The following CUBN variants were observed in gnomAD, a reference collection of about 807,000 sequenced individuals.
The protein encoded by CUBN is 460 kDa receptor.
In CUBN, 282 loss-of-function variants were observed where a neutral mutation model predicts 405.3. The ratio of observed to expected loss-of-function variants is 0.70; its 90% CI spans 0.63 to 0.77. The LOEUF is 0.77. Ranked by LOEUF, CUBN falls within the 30% of genes least tolerant of loss-of-function variation. The pLI is 0.00. For missense variants in CUBN, 4,514 were observed against 4,475.2 expected (o/e 1.01, Z -0.25); for synonymous variants, 1,684 against 1,617.0 (o/e 1.04, Z -0.99).
chr10:16,893,877 C>A (rs945886028), intron 54 of CUBN, among the ~76,000 whole-genome samples: 1 of 152,054 alleles, frequency 6.6e-6, no homozygotes, highest in African/African-American at 2.4e-5. Flanking sequence ...CGGATAAATG[C>A]CCAGAGTGCA....
chr10:17,126,682 A>G (rs1447819034), intron 4 of CUBN, 79 bp downstream of exon 4: 2 of 1,468,482 alleles, frequency 1.4e-6, no homozygotes, highest in African/African-American at 2.8e-5. Context: ...TTCACCTTCA[A>G]AATAAGAATA....
At chr10:17,127,438 T>C (rs1224754267) in intron 3 of CUBN, among the ~76,000 whole-genome samples, 2 of 144,274 alleles carry the variant, frequency 1.4e-5, no homozygotes, top group Non-Finnish European at 3.0e-5. Flanking sequence ...GCTATTTTTT[T>C]TTTTTTTTTT....
chr10:17,076,157 A>G (rs796131927), intron 17 of CUBN, among the ~76,000 whole-genome samples: 14 of 152,304 alleles, frequency 9.2e-5, no homozygotes, highest in African/African-American at 1.9e-4. Flanking sequence ...CTGGGCCCCA[A>G]CTAATGAAAT....
intron 17 of CUBN, among the ~76,000 whole-genome samples, chr10:17,072,722 G>T (rs1835768170): frequency 6.6e-6 from 1 of 151,942 alleles, no homozygotes; most frequent in Non-Finnish European, 1.5e-5. Flanking sequence ...CAAATCTCTG[G>T]CAAGTCTAAA....
chr10:16,837,311 C>A (rs1839202300), intron 62 of CUBN, among the ~76,000 whole-genome samples: 1 of 151,940 alleles, frequency 6.6e-6, no homozygotes, highest in Non-Finnish European at 1.5e-5. Context: ...GGGGGGCCAG[C>A]CTCGGGGGAA....
chr10:17,026,842 A>G (rs1381180944), intron 27 of CUBN, among the ~76,000 whole-genome samples: 1 of 152,300 alleles, frequency 6.6e-6, no homozygotes, highest in Admixed American at 6.5e-5. Flanking sequence ...CATAAGGCAC[A>G]TGGCCACTCA....
chr10:17,039,169 C>T (rs7893420), intron 27 of CUBN, among the ~76,000 whole-genome samples: 5 of 152,166 alleles, frequency 3.3e-5, no homozygotes, highest in Admixed American at 6.5e-5. Flanking sequence ...TACCAAATCA[C>T]GATTATGGTG....
intron 38 of CUBN, among the ~76,000 whole-genome samples, chr10:16,938,599 T>C (rs61841447): frequency 0.13 from 20,279 of 152,140 alleles, 1,690 homozygotes; most frequent in Non-Finnish European, 0.19. Context: ...CCATGATTTT[T>C]ATATTTATAT....
intron 6 of CUBN, among the ~76,000 whole-genome samples, chr10:17,121,613 A>G (rs11254380): frequency 0.95 from 142,208 of 149,776 alleles, 67,528 homozygotes; most frequent in Non-Finnish European, 0.96. Flanking sequence ...GAGTTAATGG[A>G]TGCAGCACAC....
chr10:17,104,291 A>T (rs572798857), intron 12 of CUBN, 128 bp downstream of exon 12: 6 of 756,094 alleles, frequency 7.9e-6, no homozygotes, highest in Non-Finnish European at 1.4e-5. Context: ...GCAAGGAAAG[A>T]CTTAGTTCTC....
intron 14 of CUBN, among the ~76,000 whole-genome samples, chr10:17,097,977 T>A (rs139411319): frequency 2.0e-5 from 3 of 152,156 alleles, no homozygotes; most frequent in African/African-American, 7.2e-5. Context: ...CCATTGAGTA[T>A]GGCAGAAATA....
At chr10:17,107,688 G>A (rs551106861) in intron 10 of CUBN, among the ~76,000 whole-genome samples, 7 of 151,804 alleles carry the variant, frequency 4.6e-5, no homozygotes, top group Non-Finnish European at 8.8e-5. Context: ...CAGTAGAGAC[G>A]GGGTTTCACC....
At chr10:17,017,088 A>G (rs1162955272) in intron 28 of CUBN, among the ~76,000 whole-genome samples, 1 of 152,116 alleles carries the variant, frequency 6.6e-6, no homozygotes, top group African/African-American at 2.4e-5. Flanking sequence ...CTTAGGACAC[A>G]TTTCAAGGGT....
rs767828059 is a variant in CUBN, at chr10:17,019,921, A to G, written c.4080T>C (p.Ser1360=). 1.2e-6 allele frequency: 2 copies of G among 1,614,048 alleles called. No homozygotes were observed. The highest frequency in any genetic ancestry group is 2.2e-5 in the South Asian group (2 of 91,076). Residue 1360 remains serine, a synonymous_variant, in exon 28 of 67, where the codon AGT becomes AGC. Transcript: ENST00000377833. ...GCACTTGAAGCTTGGAGCTTGTAGT[A>G]CTCCCTGGAGGGGGCAGGTCTACTC... ...YCGVDLPPPG[S]TTSSKLQVLL...
chr10:16,833,032 G>A (rs1839055110), intron 64 of CUBN, among the ~76,000 whole-genome samples: 1 of 152,162 alleles, frequency 6.6e-6, no homozygotes, highest in Admixed American at 6.5e-5. Context: ...AGGACAGCTA[G>A]GAGGAGGAAT....
intron 14 of CUBN, among the ~76,000 whole-genome samples, chr10:17,092,767 T>C (rs1266174492): frequency 6.6e-6 from 1 of 152,166 alleles, no homozygotes; most frequent in Admixed American, 6.5e-5. Flanking sequence ...AGAAAACTGA[T>C]GAATAATTCA....
intron 28 of CUBN, among the ~76,000 whole-genome samples, chr10:17,000,629 A>G (rs1256769681): frequency 5.3e-5 from 8 of 152,126 alleles, no homozygotes; most frequent in Admixed American, 6.5e-5. Flanking sequence ...ATATCATTTG[A>G]CCTTTTTTTG....
chr10:16,877,145 CAATT>C, intron 56 of CUBN, 48 bp from the exon 57 acceptor site: 1 of 1,504,734 alleles, frequency 6.6e-7, no homozygotes. Context: ...CCTACACAAA[CAATT>C]AAGGCCATAA....
At chr10:17,030,490 G>T (rs1457078283) in intron 27 of CUBN, among the ~76,000 whole-genome samples, 1 of 152,196 alleles carries the variant, frequency 6.6e-6, no homozygotes, top group Non-Finnish European at 1.5e-5. Flanking sequence ...TGTAATGCAG[G>T]TAGTATTGTT....
Sources: allele counts gnomAD v4.1 joint callset (sites outside exome capture counted in the v4.1 genomes callset), GRCh38; gene constraint gnomAD v4.1.1; transcripts MANE v1.5; gene names NCBI Gene and HGNC (gene_info 2026-07-23, HGNC 2026-07-21).